MYH7: variants seen among roughly 807,000 people sequenced by gnomAD.
The protein encoded by MYH7 is myosin heavy chain 7, also known as myosin-7.
Under a neutral mutation model 225.4 loss-of-function variants are expected in MYH7, and 129 were observed. The ratio of observed to expected loss-of-function variants is 0.57; its 90% CI spans 0.50 to 0.66. The LOEUF (loss-of-function observed/expected upper bound fraction) is 0.66. Among genes scored for constraint, MYH7 ranks in the 30% least tolerant of loss-of-function variants. MYH7 has a pLI of 0.00. For missense variants in MYH7, 1,649 were observed against 2,517.0 expected (o/e 0.66, Z 7.38); for synonymous variants, 971 against 1,007.6 (o/e 0.96, Z 0.69).
chr14:23,423,051 G>A (rs1892542673), intron 24 of MYH7, among the ~76,000 whole-genome samples: 2 of 152,206 alleles, frequency 1.3e-5, no homozygotes, highest in African/African-American at 4.8e-5. Context: ...TAGTCTTATG[G>A]CTGAGATAGA....
chr14:23,413,288 C>T (rs1368355665), intron 39 of MYH7, among the ~76,000 whole-genome samples: 2 of 152,154 alleles, frequency 1.3e-5, no homozygotes, highest in African/African-American at 2.4e-5. Flanking sequence ...ACCACTGAAA[C>T]TTAGAGCTGA....
In MYH7 at chr14:23,424,857, T is replaced by G. The variant is rs1892629734; in HGVS notation, c.2591A>C (p.Glu864Ala). 2 of 1,614,112 alleles carry G rather than the reference T, an allele frequency of 1.2e-6. No individual in the cohort carries two copies. Among genetic ancestry groups the G allele is most frequent in the Non-Finnish European group, 1.7e-6 (2 of 1,180,056 alleles). Residue 864 changes from glutamate to alanine, a missense_variant, in exon 22 of 40, where the codon GAG becomes GCG. Physicochemically the swap from Glu to Ala is moderately radical, Grantham distance 107. Coordinates refer to ENST00000355349, the MANE Select transcript of MYH7 (RefSeq NM_000257.4). The part of the protein sequence containing the change: ...EEFTRLKEAL[E>A]KSEARRKELE... ...CTCCTTGCGGCGAGCCTCGGACTTC[T>G]CTAGCGCCTCTTTGAGGCGTGTGAA...
In MYH7 at chr14:23,428,934, C is replaced by T. The variant is rs1331114817; in HGVS notation, c.1407+21G>A. 3.1e-6 allele frequency: 5 copies of T among 1,614,180 alleles called. No homozygotes were observed. In the South Asian group the frequency reaches 4.4e-5, roughly 14 times the overall value. On this transcript the variant is annotated intron_variant, in intron 14 of 39. Coordinates refer to ENST00000355349, the MANE Select transcript of MYH7 (RefSeq NM_000257.4). ...GAGCGAGTGAGTGATTGTTCTCCCA[C>T]TCCCAGGGGTCCCAACTCACATCGA... is the stretch of plus-strand genomic sequence containing the variant.
intron 29 of MYH7, among the ~76,000 whole-genome samples, 176 bp downstream of exon 29, chr14:23,419,001 G>A (rs1892350118): frequency 6.6e-6 from 1 of 152,288 alleles, no homozygotes; most frequent in African/African-American, 2.4e-5. Flanking sequence ...GAAGCAGAGG[G>A]CCTCAGCCTG....
At position 23,415,695 on chromosome 14, in the gene MYH7, C is replaced by T; in HGVS notation, c.5091G>A (p.Arg1697=). 6.2e-7 allele frequency: 1 copy of T among 1,614,178 alleles called. No individual in the cohort carries two copies. Among genetic ancestry groups the T allele is most frequent in the African/African-American group, 1.3e-5 (1 of 75,062 alleles). The change falls in exon 35 of 40, where the codon CGG becomes CGA. Residue 1697 remains arginine, a synonymous_variant. Transcript: ENST00000355349. The surrounding 1 kb of genome is among the most constrained non-coding windows in gnomAD (Gnocchi z 6.3). Reference sequence around the variant, plus strand: ...GCTCCTGCTCCGCCAGCTTCCGGGACCGCTCTGTCTGCTCCACCACGGCAC... The same window carrying T: ...GCTCCTGCTCCGCCAGCTTCCGGGATCGCTCTGTCTGCTCCACCACGGCAC... ...ELRAVVEQTE[R]SRKLAEQELI...
At chr14:23,428,923 T>C (rs777170799) in intron 14 of MYH7, 32 bp downstream of exon 14, 1 of 1,614,072 alleles carries the variant, frequency 6.2e-7, no homozygotes, top group Non-Finnish European at 8.5e-7. Flanking sequence ...GAGTGAGTGA[T>C]TGTTCTCCCA....
chr14:23,424,402 G>A (rs1032698407), intron 22 of MYH7, among the ~76,000 whole-genome samples: 2 of 152,150 alleles, frequency 1.3e-5, no homozygotes, highest in Non-Finnish European at 2.9e-5. Flanking sequence ...TCCATCGAAG[G>A]GTGGGAATTG....
chr14:23,417,470 G>A, intron 31 of MYH7, 33 bp downstream of exon 31: 1 of 1,612,224 alleles, frequency 6.2e-7, no homozygotes, highest in Non-Finnish European at 8.5e-7. Flanking sequence ...CCCTTGCCCT[G>A]CATGCTGGCT....
At chr14:23,430,772 C>T in intron 10 of MYH7, 109 bp from the exon 11 acceptor site, 1 of 1,277,416 alleles carries the variant, frequency 7.8e-7, no homozygotes, top group South Asian at 1.2e-5. Context: ...CTTGGCTTGG[C>T]CCCACATCCC....
chr14:23,423,145 A>G (rs1378006386), intron 24 of MYH7, among the ~76,000 whole-genome samples: 1 of 152,202 alleles, frequency 6.6e-6, no homozygotes, highest in Non-Finnish European at 1.5e-5. Context: ...ATTCTGCCTT[A>G]AATATTGGAA....
chr14:23,413,686 C>T (rs1892062180), intron 39 of MYH7, 73 bp downstream of exon 39: 1 of 1,602,538 alleles, frequency 6.2e-7, no homozygotes, highest in Admixed American at 1.7e-5. Flanking sequence ...AGGAAGCATC[C>T]CGGGTTTGAG....
intron 29 of MYH7, 133 bp downstream of exon 29, chr14:23,419,044 G>A (rs905152485): frequency 9.0e-6 from 8 of 891,580 alleles, no homozygotes; most frequent in African/African-American, 3.3e-5. Flanking sequence ...GGTTTGGGCT[G>A]TGATTTCTTT....
chr14:23,427,561 C>T, intron 16 of MYH7, 24 bp downstream of exon 16: 1 of 1,613,030 alleles, frequency 6.2e-7, no homozygotes, highest in Non-Finnish European at 8.5e-7. Context: ...CTCCTCTGTA[C>T]CGGGAGCCTC....
rs758665829 is a variant in MYH7, at chr14:23,427,724, G to A, written c.1749C>T (p.Ala583=). The change falls in exon 16 of 40, where the codon GCC becomes GCT. Residue 583 remains alanine, a synonymous_variant. Transcript: ENST00000355349. ...CAATGATGTTGTAGTCCACGATGCC[G>A]GCATAGTGGATCAGGGAGAAGTGGG... is the stretch of plus-strand genomic sequence containing the variant. The part of the protein sequence containing the change: ...PEAHFSLIHY[A]GIVDYNIIGW... The A allele has an allele frequency of 2.1e-5, 34 of 1,614,030 alleles. No individual in the cohort carries two copies. Among genetic ancestry groups the A allele is most frequent in the Middle Eastern group, 3.3e-4 (2 of 6,084 alleles).
At chr14:23,422,599 C>CTTTCTTT (rs1566529561) in intron 24 of MYH7, among the ~76,000 whole-genome samples, 2 of 111,646 alleles carry the variant, frequency 1.8e-5, no homozygotes, top group African/African-American at 1.1e-4. Context: ...TTCTTTCTCT[C>CTTTCTTT]CTTTCTTTCT....
In MYH7 at chr14:23,415,133, G is replaced by A. The variant is rs142844109; in HGVS notation, c.5421C>T (p.Gly1807=). The stretch of plus-strand genomic sequence containing the variant: ...CCAGCTTCTGCAGCTGCTTCTTGCC[G>A]CCCTTGAGGGCGATCTGCTCGGCTT... ...LDEAEQIALK[G]GKKQLQKLEA... Residue 1807 remains glycine, a synonymous_variant, in exon 37 of 40, where the codon GGC becomes GGT. Coordinates refer to ENST00000355349, the MANE Select transcript of MYH7 (RefSeq NM_000257.4). This position sits in a 1 kb window ranked among gnomAD's most constrained non-coding sequence, Gnocchi z 6.3. The A allele has an allele frequency of 4.1e-5, 66 of 1,614,004 alleles. No homozygotes were observed. The highest frequency in any genetic ancestry group is 1.7e-4 in the Middle Eastern group (1 of 6,026).
At position 23,425,083 on chromosome 14, in the gene MYH7, T is replaced by C; in HGVS notation, c.2424-59A>G. 4 of 1,613,496 alleles carry C rather than the reference T, an allele frequency of 2.5e-6. No individual in the cohort carries two copies. Among genetic ancestry groups the C allele is most frequent in the Non-Finnish European group, 3.4e-6 (4 of 1,179,796 alleles). ...CCTGCCTCCTTCCTACCTGAGGTCC[T>C]GAAACCTTGGGAATATCCCATTTCC... On this transcript the variant is annotated intron_variant, in intron 21 of 39. Transcript: ENST00000355349. This position sits in a 1 kb window ranked among gnomAD's most constrained non-coding sequence, Gnocchi z 4.6.
In MYH7 at chr14:23,433,692, G is replaced by C. The variant is rs766301164; in HGVS notation, c.41C>G (p.Pro14Arg). The change falls in exon 3 of 40, where the codon CCC becomes CGC. Residue 14 changes from proline (P) to arginine (R), a missense_variant. Pro to Arg is a moderately radical substitution (Grantham distance 103). Transcript: ENST00000355349. The surrounding 1 kb of genome is among the most constrained non-coding windows in gnomAD (Gnocchi z 4.1). ...CTCCTTCTCTGACTTGCGCAGGTAGGGGGCGGCAGCCCCAAAGACTGCCAT... is the reference window on the plus strand; with the variant it reads ...CTCCTTCTCTGACTTGCGCAGGTAGCGGGCGGCAGCCCCAAAGACTGCCAT... ...SEMAVFGAAA[P>R]YLRKSEKERL... The C allele has an allele frequency of 6.2e-7, 1 of 1,614,238 alleles. No individual in the cohort carries two copies. The highest frequency in any genetic ancestry group is 2.2e-5 in the East Asian group (1 of 44,886).
At position 23,426,786 on chromosome 14, in the gene MYH7, T is replaced by A; in HGVS notation, c.2035A>T (p.Lys679Ter). The A allele has an allele frequency of 6.2e-7, 1 of 1,614,116 alleles. No individual in the cohort carries two copies. Among genetic ancestry groups the A allele is most frequent in the Non-Finnish European group, 8.5e-7 (1 of 1,179,972 alleles). The change falls in exon 18 of 40, where the codon AAG becomes TAG. Residue 679 changes from lysine (K) to a stop codon, truncating the protein, a stop_gained. Transcript: ENST00000355349. LOFTEE classifies it high-confidence loss of function. ...GAGTTTGTGGCCTCACCTGGAGACTTTGTCTCATTAGGGATGATACAACGT... is the reference window on the plus strand; with the variant it reads ...GAGTTTGTGGCCTCACCTGGAGACTATGTCTCATTAGGGATGATACAACGT... The part of the protein sequence containing the change: ...FVRCIIPNET[K>*]SPGVMDNPLV...
Sources: gnomAD v4.1 joint callset for allele counts (sites outside exome capture counted in the v4.1 genomes callset) on GRCh38, gnomAD v4.1.1 for gene constraint, Gnocchi (gnomAD v3.1) non-coding constraint, MANE v1.5 for transcripts, NCBI Gene and HGNC (gene_info 2026-07-23, HGNC 2026-07-21) for gene names.